The following PXDNL variants were observed in gnomAD, a reference collection of about 807,000 sequenced individuals.
PXDNL encodes peroxidasin like.
Under a neutral mutation model 150.8 loss-of-function variants are expected in PXDNL, and 145 were observed. The observed-to-expected ratio is 0.96, with a 90% confidence interval of 0.84 to 1.10. PXDNL has a LOEUF of 1.10. PXDNL is among the 50% of genes least tolerant of loss of function. The pLI is 0.00. For missense variants in PXDNL, 2,087 were observed against 1,873.9 expected (o/e 1.11, Z -2.10); for synonymous variants, 757 against 725.7 (o/e 1.04, Z -0.69).
chr8:51,457,695 T>C (rs371863354), intron 8 of PXDNL, 28 bp from the exon 9 acceptor site: 155 of 1,568,266 alleles, frequency 9.9e-5, no homozygotes, highest in Middle Eastern at 1.7e-4. Flanking sequence ...ACATGTATAT[T>C]ATTTAATCCC....
chr8:51,640,403 G>A (rs1191860555), intron 2 of PXDNL, among the ~76,000 whole-genome samples: 1 of 152,144 alleles, frequency 6.6e-6, no homozygotes, highest in Non-Finnish European at 1.5e-5. Context: ...AGGAAAAGAG[G>A]AAGTCAAATT....
chr8:51,631,554 A>G (rs1563489131), intron 2 of PXDNL, among the ~76,000 whole-genome samples: 2 of 152,188 alleles, frequency 1.3e-5, no homozygotes, highest in Non-Finnish European at 2.9e-5. Flanking sequence ...GCTGACATGA[A>G]AGGACACTAA....
At chr8:51,532,350 C>G (rs1242921227) in intron 4 of PXDNL, among the ~76,000 whole-genome samples, 1 of 152,180 alleles carries the variant, frequency 6.6e-6, no homozygotes, top group Non-Finnish European at 1.5e-5. Flanking sequence ...TACCGTTCAC[C>G]AACTGTGCAA....
intron 2 of PXDNL, among the ~76,000 whole-genome samples, chr8:51,605,925 CT>C (rs1272111307): frequency 3.3e-5 from 5 of 152,186 alleles, no homozygotes; most frequent in African/African-American, 7.2e-5. Context: ...GTAATGCCCC[CT>C]ATCACATTAC....
intron 4 of PXDNL, among the ~76,000 whole-genome samples, chr8:51,501,411 G>A (rs551373150): frequency 1.4e-5 from 2 of 147,712 alleles, no homozygotes; most frequent in African/African-American, 2.5e-5. Context: ...CACATGCTCA[G>A]ACTCCCTCAT....
In PXDNL at chr8:51,651,630, T is replaced by C. The variant is rs1369018598; in HGVS notation, c.236+3059A>G. 2.6e-5 allele frequency among the ~76,000 whole-genome samples: 4 copies of C among 152,226 alleles called. No homozygotes were observed. The East Asian group carries it at 7.7e-4, about 29-fold the overall frequency. On this transcript the variant is annotated intron_variant, in intron 2 of 22. Transcript: ENST00000356297. Reference sequence around the variant, plus strand: ...CAGATCTTCGTATTTCTGTTGTTGCTATTTAAATAGTGGCATGCATTTATT... The same window carrying C: ...CAGATCTTCGTATTTCTGTTGTTGCCATTTAAATAGTGGCATGCATTTATT...
chr8:51,672,192 G>A (rs764428835), intron 1 of PXDNL, among the ~76,000 whole-genome samples: 13 of 152,128 alleles, frequency 8.5e-5, no homozygotes, highest in Non-Finnish European at 1.6e-4. Flanking sequence ...TGTTGGCCAG[G>A]CTGGTCTCGA....
intron 20 of PXDNL, among the ~76,000 whole-genome samples, chr8:51,344,141 A>G (rs1806072889): frequency 6.6e-6 from 1 of 152,012 alleles, no homozygotes; most frequent in African/African-American, 2.4e-5. Context: ...GTCTCGTTCT[A>G]TCACTCAGGG....
At chr8:51,574,560 G>A (rs1044953991) in intron 3 of PXDNL, among the ~76,000 whole-genome samples, 1 of 151,878 alleles carries the variant, frequency 6.6e-6, no homozygotes, top group Non-Finnish European at 1.5e-5. Flanking sequence ...TAAATCTACA[G>A]ATTCAAGTTG....
In PXDNL at chr8:51,608,013, G is replaced by GAA. The variant is rs373885792; in HGVS notation, c.237-15317_237-15316dup. On this transcript the variant is annotated intron_variant, in intron 2 of 22. Coordinates refer to ENST00000356297, the MANE Select transcript of PXDNL (RefSeq NM_144651.5). The stretch of plus-strand genomic sequence containing the variant: ...AGAGAGGAAGGAAGGAAGAAAGAAA[G>GAA]AAAGAAAGAAAGAAAGAAAGAAAGA... 2.5e-3 allele frequency among the ~76,000 whole-genome samples: 184 copies of GAA among 73,152 alleles called. 2 individuals carry two copies. Among genetic ancestry groups the GAA allele is most frequent in the African/African-American group, 0.014 (174 of 12,788 alleles). 48.0% of individuals were successfully genotyped at this position (73,152 alleles called of 152,430 possible).
At chr8:51,337,383 G>A (rs1435044058) in intron 21 of PXDNL, among the ~76,000 whole-genome samples, 2 of 152,068 alleles carry the variant, frequency 1.3e-5, no homozygotes, top group East Asian at 1.9e-4. Flanking sequence ...AATTGTTTGG[G>A]CCCACCTTCT....
intron 19 of PXDNL, among the ~76,000 whole-genome samples, chr8:51,347,319 G>A (rs1806190117): frequency 1.3e-5 from 2 of 152,168 alleles, no homozygotes; most frequent in South Asian, 4.1e-4. Flanking sequence ...ACATGAATAT[G>A]AAATTTAGGA....
intron 5 of PXDNL, among the ~76,000 whole-genome samples, chr8:51,489,815 G>A (rs943124509): frequency 3.3e-5 from 5 of 152,060 alleles, no homozygotes; most frequent in African/African-American, 9.7e-5. Flanking sequence ...AGGCATTCAA[G>A]GATTATCAAA....
chr8:51,387,348 G>C (rs1807749322), intron 17 of PXDNL, among the ~76,000 whole-genome samples: 1 of 152,186 alleles, frequency 6.6e-6, no homozygotes, highest in Non-Finnish European at 1.5e-5. Flanking sequence ...TTCCAGGTGG[G>C]CATGCTCCAG....
Position 51,507,857 on chromosome 8 carries a change from T to C in PXDNL, c.381-8087A>G, listed in dbSNP as rs151134756. ...ACCTGGGCCAGCCCCACAACATTACTAAGCCCAAAATGTCAACAGTGCCAG... is the reference window on the plus strand; with the variant it reads ...ACCTGGGCCAGCCCCACAACATTACCAAGCCCAAAATGTCAACAGTGCCAG... On this transcript the variant is annotated intron_variant, in intron 4 of 22. Coordinates refer to ENST00000356297, the MANE Select transcript of PXDNL (RefSeq NM_144651.5). Among the ~76,000 whole-genome samples, 416 of 152,274 alleles carry C rather than the reference T, an allele frequency of 2.7e-3. 2 individuals are homozygous for C. The highest frequency in any genetic ancestry group is 9.6e-3 in the African/African-American group (399 of 41,552).
chr8:51,600,647 A>G (rs865825834), intron 2 of PXDNL, among the ~76,000 whole-genome samples: 20 of 120,764 alleles, frequency 1.7e-4, no homozygotes, highest in African/African-American at 5.1e-4. Context: ...ATAGTTAGAT[A>G]ATAAATTATA....
At position 51,466,517 on chromosome 8, in the gene PXDNL, T is replaced by C. The variant is rs373882326; in HGVS notation, c.812+5670A>G. 3.3e-3 allele frequency among the ~76,000 whole-genome samples: 505 copies of C among 152,210 alleles called. 1 individual carries two copies. Among genetic ancestry groups the C allele is most frequent in the South Asian group, 5.6e-3 (27 of 4,824 alleles). On this transcript the variant is annotated intron_variant, in intron 8 of 22. Coordinates refer to ENST00000356297, the MANE Select transcript of PXDNL (RefSeq NM_144651.5). ...ATTTATGGCTAAGTCCTCAAAGCAA[T>C]TGCAATGAAAACAAAAATTGACAAG...
intron 2 of PXDNL, among the ~76,000 whole-genome samples, chr8:51,603,300 T>C (rs975725511): frequency 6.6e-6 from 1 of 152,006 alleles, no homozygotes; most frequent in African/African-American, 2.4e-5. Flanking sequence ...AAATTTCCTT[T>C]GCATATTTTG....
rs565333730 is a variant in PXDNL, at chr8:51,673,235, C to T, written c.165-18475G>A. ...ACATAAAATGTAGTTCTGAAAATAG[C>T]GTATCAAGCCAGAGTTCAATTACAA... On this transcript the variant is annotated intron_variant, in intron 1 of 22. Coordinates refer to ENST00000356297, the MANE Select transcript of PXDNL (RefSeq NM_144651.5). 2.6e-3 allele frequency among the ~76,000 whole-genome samples: 395 copies of T among 152,112 alleles called. 5 individuals carry two copies. In the South Asian group the frequency reaches 0.042, roughly 16 times the overall value.
Sources: allele counts gnomAD v4.1 joint callset (sites outside exome capture counted in the v4.1 genomes callset), GRCh38; gene constraint gnomAD v4.1.1; transcripts MANE v1.5; gene names NCBI Gene and HGNC (gene_info 2026-07-23, HGNC 2026-07-21).